The following DNAH9 variants were observed in gnomAD, a reference collection of about 807,000 sequenced individuals.
DNAH9 encodes DNAH9 variant protein.
In DNAH9, 345 loss-of-function variants were observed where a neutral mutation model predicts 471.6. The observed-to-expected ratio is 0.73, with a 90% CI of 0.67 to 0.80. The LOEUF (loss-of-function observed/expected upper bound fraction) is 0.80. DNAH9 is among the 30% of genes least tolerant of loss of function. DNAH9 has a pLI of 0.00. For synonymous variants in DNAH9, 2,093 were observed against 2,123.6 expected, an observed-to-expected ratio of 0.99 and a Z score of 0.40; for missense variants, 5,407 against 5,609.2, an observed-to-expected ratio of 0.96 and a Z score of 1.15.
At chr17:11,812,026 A>AATATATATAAATATATAT (rs1969938513) in intron 45 of DNAH9, among the ~76,000 whole-genome samples, 1 of 36,726 alleles carries the variant, frequency 2.7e-5, no homozygotes, top group Non-Finnish European at 5.2e-5. Flanking sequence ...AAAAAAAAAA[A>AATATATATAAATATATAT]ATATATATAT....
chr17:11,968,417 T>A (rs560725339), intron 68 of DNAH9, among the ~76,000 whole-genome samples: 1 of 152,348 alleles, frequency 6.6e-6, no homozygotes, highest in South Asian at 2.1e-4. Flanking sequence ...CAGAGTCACA[T>A]GGACACAAAG....
chr17:11,689,376 T>G (rs2150751982), intron 19 of DNAH9, among the ~76,000 whole-genome samples, 190 bp from the exon 20 acceptor site: 1 of 151,898 alleles, frequency 6.6e-6, no homozygotes, highest in South Asian at 2.1e-4. Flanking sequence ...GTTTTTTTTT[T>G]TTTCCCAAAA....
intron 24 of DNAH9, among the ~76,000 whole-genome samples, chr17:11,703,686 TA>T (rs1259428908): frequency 6.6e-6 from 1 of 152,226 alleles, no homozygotes; most frequent in Non-Finnish European, 1.5e-5. Context: ...TCTTGGCACT[TA>T]AAAATAGGCA....
intron 22 of DNAH9, among the ~76,000 whole-genome samples, chr17:11,697,226 GA>G (rs2074492807): frequency 6.6e-6 from 1 of 152,122 alleles, no homozygotes; most frequent in Non-Finnish European, 1.5e-5. Context: ...CACACCCTAA[GA>G]GGTGAAGCAT....
At chr17:11,765,882 G>A (rs1597614525) in intron 36 of DNAH9, among the ~76,000 whole-genome samples, 1 of 152,206 alleles carries the variant, frequency 6.6e-6, no homozygotes, top group Admixed American at 6.5e-5. Context: ...GTCAGACAGC[G>A]ACTGCTGAGC....
chr17:11,638,403 A>G (rs1047708854), intron 9 of DNAH9, among the ~76,000 whole-genome samples: 2 of 151,374 alleles, frequency 1.3e-5, no homozygotes, highest in African/African-American at 4.9e-5. Context: ...TTTTTTTTTT[A>G]AGACGGCGTC....
At chr17:11,727,666 T>C in intron 27 of DNAH9, 152 bp from the exon 28 acceptor site, 1 of 611,910 alleles carries the variant, frequency 1.6e-6, no homozygotes. Flanking sequence ...CCATCAAACA[T>C]TTAATTGTTC....
intron 43 of DNAH9, among the ~76,000 whole-genome samples, chr17:11,806,130 A>C (rs1390496172): frequency 6.6e-6 from 1 of 152,206 alleles, no homozygotes; most frequent in African/African-American, 2.4e-5. Flanking sequence ...TCACTGTGTT[A>C]CGTAGCCCTG....
At chr17:11,675,600 T>C (rs571073458) in intron 17 of DNAH9, among the ~76,000 whole-genome samples, 2 of 152,328 alleles carry the variant, frequency 1.3e-5, no homozygotes, top group South Asian at 4.1e-4. Flanking sequence ...TTATCTGATT[T>C]TAAAATTTCC....
intron 24 of DNAH9, among the ~76,000 whole-genome samples, chr17:11,702,228 G>T (rs1318739620): frequency 6.6e-6 from 1 of 152,196 alleles, no homozygotes; most frequent in Non-Finnish European, 1.5e-5. Flanking sequence ...GTGGATTCTG[G>T]AAGCCAGTTT....
chr17:11,690,877 C>T (rs915693677), intron 20 of DNAH9, among the ~76,000 whole-genome samples: 7 of 152,116 alleles, frequency 4.6e-5, no homozygotes, highest in African/African-American at 9.7e-5. Flanking sequence ...CCTGTGCCAG[C>T]GCTCCAACTA....
chr17:11,690,714 A>AT (rs1180084422), intron 20 of DNAH9, among the ~76,000 whole-genome samples: 2 of 151,810 alleles, frequency 1.3e-5, no homozygotes, highest in Non-Finnish European at 2.9e-5. Context: ...TATAAGAAAG[A>AT]TTAAAAAAAA....
intron 54 of DNAH9, 67 bp from the exon 55 acceptor site, chr17:11,881,142 C>CA: frequency 4.7e-6 from 7 of 1,503,892 alleles, no homozygotes; most frequent in Non-Finnish European, 6.5e-6. Flanking sequence ...AAAAAAATCT[C>CA]AAATTCTGAC....
At chr17:11,872,435 A>G (rs1972304492) in intron 52 of DNAH9, among the ~76,000 whole-genome samples, 2 of 148,036 alleles carry the variant, frequency 1.4e-5, no homozygotes, top group African/African-American at 2.5e-5. Flanking sequence ...ATTCAAAGCT[A>G]TACTTGGACG....
intron 62 of DNAH9, among the ~76,000 whole-genome samples, chr17:11,926,062 A>AAAAAAAATG (rs869096043): frequency 7.8e-6 from 1 of 127,526 alleles, no homozygotes; most frequent in African/African-American, 2.8e-5. Flanking sequence ...AAAAAAAAAA[A>AAAAAAAATG]GCTGGGGGGG....
intron 35 of DNAH9, among the ~76,000 whole-genome samples, chr17:11,762,420 G>C (rs1597608993): frequency 6.6e-6 from 1 of 152,188 alleles, no homozygotes; most frequent in Non-Finnish European, 1.5e-5. Flanking sequence ...AGAAAAGTAT[G>C]TGTGTGTGAG....
rs1252102387 is a variant in DNAH9, at chr17:11,694,459, G to C, written c.4872+12G>C. ...CAGCTCCACAACAGGTAAGCTGGAG[G>C]AGCATCTGCAGAAAGGTCTAGGAGG... On this transcript the variant is annotated intron_variant, in intron 22 of 68. Transcript: ENST00000262442. 5.6e-6 allele frequency: 9 copies of C among 1,613,104 alleles called. No individual in the cohort carries two copies. The Admixed American group carries it at 1.5e-4, about 27-fold the overall frequency.
chr17:11,845,012 TTTA>T (rs776962382), intron 49 of DNAH9, among the ~76,000 whole-genome samples: 40 of 151,236 alleles, frequency 2.6e-4, no homozygotes, highest in Non-Finnish European at 4.6e-4. Flanking sequence ...TTTTTTTTTA[TTTA>T]TTATTATACT....
At chr17:11,752,804 GAAAATA>G (rs1364301690) in intron 32 of DNAH9, 23 bp from the exon 33 acceptor site, 3 of 1,521,938 alleles carry the variant, frequency 2.0e-6, no homozygotes, top group Non-Finnish European at 2.6e-6. Flanking sequence ...TGAAGAAATG[GAAAATA>G]AGGTGTCAGT....
Sources: allele counts gnomAD v4.1 joint callset (sites outside exome capture counted in the v4.1 genomes callset), GRCh38; gene constraint gnomAD v4.1.1; transcripts MANE v1.5; gene names NCBI Gene and HGNC (gene_info 2026-07-23, HGNC 2026-07-21).